The following TAFA5 variants were observed in gnomAD, a reference collection of about 807,000 sequenced individuals.
The protein encoded by TAFA5 is chemokine-like protein TAFA-5.
In TAFA5, 6 loss-of-function variants were observed where a neutral mutation model predicts 15.3. That is an observed-to-expected ratio of 0.39 (90% CI 0.21 to 0.77). The LOEUF is 0.77. Among genes scored for constraint, TAFA5 ranks in the 30% least tolerant of loss-of-function variants. The pLI, the probability that TAFA5 is intolerant of heterozygous loss-of-function variation, is 0.41. For synonymous variants in TAFA5, 103 were observed against 80.7 expected, an observed-to-expected ratio of 1.28 and a Z score of -1.48; for missense variants, 161 against 193.1, an observed-to-expected ratio of 0.83 and a Z score of 0.98.
chr22:48,575,277 G>T (rs991986295), intron 1 of TAFA5, among the ~76,000 whole-genome samples: 1 of 151,952 alleles, frequency 6.6e-6, no homozygotes, highest in East Asian at 1.9e-4. Context: ...TTTCGGCTGG[G>T]CCGGCCCCAC....
chr22:48,548,365 G>A (rs189282102), intron 1 of TAFA5, among the ~76,000 whole-genome samples: 3 of 152,316 alleles, frequency 2.0e-5, no homozygotes, highest in East Asian at 3.9e-4. Flanking sequence ...GAGATGACTC[G>A]TCCTGCCATG....
At chr22:48,728,472 T>C (rs993418511) in intron 3 of TAFA5, among the ~76,000 whole-genome samples, 1 of 152,228 alleles carries the variant, frequency 6.6e-6, no homozygotes, top group African/African-American at 2.4e-5. Context: ...ATTTATAATA[T>C]GGACAAAATA....
At chr22:48,533,521 G>A (rs1247933571) in intron 1 of TAFA5, among the ~76,000 whole-genome samples, 1 of 152,216 alleles carries the variant, frequency 6.6e-6, no homozygotes, top group Non-Finnish European at 1.5e-5. Context: ...GATGTCAGCA[G>A]GATGTATTTT....
At position 48,490,687 on chromosome 22, in the gene TAFA5, T is replaced by C. The variant is rs914111540; in HGVS notation, c.112+983T>C. Among the ~76,000 whole-genome samples the C allele has an allele frequency of 4.0e-5, 6 of 149,492 alleles. No homozygotes were observed. Among genetic ancestry groups the C allele is most frequent in the African/African-American group, 1.5e-4 (6 of 40,142 alleles). The stretch of plus-strand genomic sequence containing the variant: ...CTCCGGGAGCTCCGGGCTTCTTGTC[T>C]TCAGCGGGAGAATAGGACGGGTGCT... On this transcript the variant is annotated intron_variant, in intron 1 of 3. Transcript: ENST00000402357. This position sits in a 1 kb window ranked among gnomAD's most constrained non-coding sequence, Gnocchi z 5.8.
At chr22:48,558,282 C>T (rs1484794342) in intron 1 of TAFA5, among the ~76,000 whole-genome samples, 2 of 152,220 alleles carry the variant, frequency 1.3e-5, no homozygotes, top group Admixed American at 6.5e-5. Context: ...TGCTTTTCCT[C>T]GGCACACACT....
chr22:48,547,799 C>T (rs1321485090), intron 1 of TAFA5, among the ~76,000 whole-genome samples: 2 of 152,204 alleles, frequency 1.3e-5, no homozygotes, highest in African/African-American at 4.8e-5. Flanking sequence ...TCAGTGTCTC[C>T]GTCTCTCTCC....
intron 1 of TAFA5, among the ~76,000 whole-genome samples, chr22:48,633,454 T>C (rs955393233): frequency 2.6e-5 from 4 of 152,034 alleles, no homozygotes; most frequent in Admixed American, 6.6e-5. Flanking sequence ...CTCTTCTCTC[T>C]TCCCCACCTC....
At chr22:48,740,686 C>A (rs2147273363) in intron 3 of TAFA5, among the ~76,000 whole-genome samples, 1 of 152,308 alleles carries the variant, frequency 6.6e-6, no homozygotes, top group South Asian at 2.1e-4. Flanking sequence ...TGTCACGTGT[C>A]CACCCCTGAT....
Position 48,560,089 on chromosome 22 carries a change from G to A in TAFA5, c.112+70385G>A, listed in dbSNP as rs1182617315. 3.9e-5 allele frequency among the ~76,000 whole-genome samples: 6 copies of A among 152,166 alleles called. No individual in the cohort carries two copies. Among genetic ancestry groups the A allele is most frequent in the South Asian group, 2.1e-4 (1 of 4,830 alleles). On this transcript the variant is annotated intron_variant, in intron 1 of 3. Transcript: ENST00000402357. This position sits in a 1 kb window ranked among gnomAD's most constrained non-coding sequence, Gnocchi z 4.2. ...AGCTGCCCTGGCCACCGATGCCTTC[G>A]CAGCATAGGATTTGGGGACCTCCAC...
At chr22:48,611,648 T>G (rs931305657) in intron 1 of TAFA5, among the ~76,000 whole-genome samples, 3 of 152,188 alleles carry the variant, frequency 2.0e-5, no homozygotes, top group Non-Finnish European at 4.4e-5. Context: ...GTGTTCTGAT[T>G]GTGTCCACGT....
At chr22:48,508,982 C>T (rs1390502261) in intron 1 of TAFA5, among the ~76,000 whole-genome samples, 1 of 152,222 alleles carries the variant, frequency 6.6e-6, no homozygotes, top group Non-Finnish European at 1.5e-5. Flanking sequence ...CCTCTCCAGC[C>T]TCTAATAACC....
chr22:48,628,737 C>T lies in TAFA5; in HGVS notation c.113-17860C>T, dbSNP rs1479209882. On this transcript the variant is annotated intron_variant, in intron 1 of 3. Transcript: ENST00000402357. The stretch of plus-strand genomic sequence containing the variant: ...CCCCCGGGAGGATTTTAGGCCCCTT[C>T]GTAGGGTGTTTCTCCTTAAGACAAA... 3.3e-5 allele frequency among the ~76,000 whole-genome samples: 5 copies of T among 152,210 alleles called. No homozygotes were observed. In the South Asian group the frequency reaches 6.2e-4, roughly 19 times the overall value.
intron 1 of TAFA5, among the ~76,000 whole-genome samples, chr22:48,554,247 C>T (rs762232390): frequency 6.6e-6 from 1 of 151,954 alleles, no homozygotes; most frequent in Non-Finnish European, 1.5e-5. Flanking sequence ...AGAAGTTTGA[C>T]GGGCTAGTTT....
At chr22:48,505,741 C>T (rs556263407) in intron 1 of TAFA5, among the ~76,000 whole-genome samples, 1 of 152,264 alleles carries the variant, frequency 6.6e-6, no homozygotes, top group East Asian at 1.9e-4. Flanking sequence ...GGCCAGCATC[C>T]CTGAGACCAC....
intron 1 of TAFA5, among the ~76,000 whole-genome samples, chr22:48,518,865 T>C (rs1035358790): frequency 2.0e-5 from 3 of 152,202 alleles, no homozygotes; most frequent in Non-Finnish European, 4.4e-5. Flanking sequence ...AACGGTACTT[T>C]TCACTCACCT....
intron 2 of TAFA5, among the ~76,000 whole-genome samples, chr22:48,661,661 A>G (rs981349079): frequency 1.3e-5 from 2 of 152,110 alleles, no homozygotes; most frequent in African/African-American, 4.8e-5. Flanking sequence ...GATTTGGAGG[A>G]GATGCCGGGG....
intron 1 of TAFA5, among the ~76,000 whole-genome samples, chr22:48,586,709 G>A (rs530344009): frequency 1.3e-5 from 2 of 152,378 alleles, no homozygotes; most frequent in South Asian, 4.1e-4. Context: ...TGGGAAGGTG[G>A]CTTGGACCCT....
chr22:48,546,037 G>A (rs1177655687), intron 1 of TAFA5, among the ~76,000 whole-genome samples: 1 of 152,200 alleles, frequency 6.6e-6, no homozygotes, highest in Non-Finnish European at 1.5e-5. Context: ...GGCGGGAGGA[G>A]AGCCAGGCAC....
intron 1 of TAFA5, among the ~76,000 whole-genome samples, chr22:48,621,567 C>T (rs924404682): frequency 1.8e-4 from 28 of 152,088 alleles, no homozygotes; most frequent in Admixed American, 1.3e-4. Flanking sequence ...GTAGCAGGAG[C>T]GAGTAGAAGG....
Sources: gnomAD v4.1 joint callset for allele counts (sites outside exome capture counted in the v4.1 genomes callset) on GRCh38, gnomAD v4.1.1 for gene constraint, Gnocchi (gnomAD v3.1) non-coding constraint, MANE v1.5 for transcripts, NCBI Gene and HGNC (gene_info 2026-07-23, HGNC 2026-07-21) for gene names.